The following CLIC4 variants were observed in gnomAD, a reference collection of about 807,000 sequenced individuals.
CLIC4 encodes CLIC family member 4, also known as chloride intracellular channel protein 4.
A neutral mutation model predicts 24.6 loss-of-function variants in CLIC4; 13 were observed. The observed-to-expected ratio is 0.53, with a 90% CI of 0.34 to 0.84. The LOEUF (loss-of-function observed/expected upper bound fraction) is 0.84. Among genes scored for constraint, CLIC4 ranks in the 40% least tolerant of loss-of-function variants. The probability of loss-of-function intolerance (pLI) is 0.01; values close to 1 mark genes in which losing one functional copy is unlikely to be tolerated. For synonymous variants in CLIC4, 104 were observed against 111.3 expected, an observed-to-expected ratio of 0.93 and a Z score of 0.41; for missense variants, 227 against 301.7, an observed-to-expected ratio of 0.75 and a Z score of 1.83.
intron 1 of CLIC4, among the ~76,000 whole-genome samples, chr1:24,783,861 C>T (rs1211882872): frequency 2.0e-5 from 3 of 152,124 alleles, no homozygotes; most frequent in Admixed American, 1.3e-4. Flanking sequence ...GACATGATAG[C>T]GTGAAGGGAA....
chr1:24,800,636 G>T (rs1300803419), intron 2 of CLIC4, among the ~76,000 whole-genome samples: 1 of 152,212 alleles, frequency 6.6e-6, no homozygotes, highest in Non-Finnish European at 1.5e-5. Flanking sequence ...CGGGAAAGGT[G>T]GGGAGAAGAT....
intron 4 of CLIC4, among the ~76,000 whole-genome samples, chr1:24,838,903 A>AGAATCATGACAATCT (rs1266200489): frequency 6.6e-6 from 1 of 152,110 alleles, no homozygotes; most frequent in Non-Finnish European, 1.5e-5. Flanking sequence ...CATGACAATC[A>AGAATCATGACAATCT]GAATCATGAC....
At chr1:24,758,570 C>T (rs1255645028) in intron 1 of CLIC4, among the ~76,000 whole-genome samples, 1 of 152,082 alleles carries the variant, frequency 6.6e-6, no homozygotes, top group Non-Finnish European at 1.5e-5. Context: ...GATTCTCTTG[C>T]CTCAGCCTCC....
chr1:24,773,540 C>T (rs1248800702), intron 1 of CLIC4, among the ~76,000 whole-genome samples: 2 of 147,774 alleles, frequency 1.4e-5, no homozygotes, highest in East Asian at 4.0e-4. Context: ...CTTTGGTTAG[C>T]AGATATTTTT....
intron 2 of CLIC4, among the ~76,000 whole-genome samples, chr1:24,807,788 A>G (rs2124145161): frequency 6.6e-6 from 1 of 152,320 alleles, no homozygotes; most frequent in Non-Finnish European, 1.5e-5. Flanking sequence ...CGTGTTCTTA[A>G]AAAAAACTGT....
At chr1:24,753,590 T>C (rs546715008) in intron 1 of CLIC4, among the ~76,000 whole-genome samples, 1 of 152,316 alleles carries the variant, frequency 6.6e-6, no homozygotes, top group African/African-American at 2.4e-5. Context: ...AATTGGTAGA[T>C]TGATACCTAA....
intron 1 of CLIC4, among the ~76,000 whole-genome samples, chr1:24,788,616 T>G (rs191159437): frequency 1.9e-4 from 29 of 152,336 alleles, no homozygotes; most frequent in Admixed American, 3.3e-4. Context: ...ACAGCATGTA[T>G]CCATACTTCA....
chr1:24,810,016 A>G (rs1639596175), intron 2 of CLIC4, among the ~76,000 whole-genome samples: 1 of 152,262 alleles, frequency 6.6e-6, no homozygotes, highest in Non-Finnish European at 1.5e-5. Context: ...TCAGTTATCA[A>G]GATCTTGCCA....
intron 1 of CLIC4, among the ~76,000 whole-genome samples, chr1:24,762,439 G>T (rs746746762): frequency 9.2e-5 from 14 of 152,078 alleles, no homozygotes; most frequent in Non-Finnish European, 1.6e-4. Flanking sequence ...ACAAGTGTAT[G>T]AGATCATTGT....
chr1:24,806,859 C>G (rs943958115), intron 2 of CLIC4, among the ~76,000 whole-genome samples: 18 of 152,044 alleles, frequency 1.2e-4, no homozygotes, highest in Non-Finnish European at 2.2e-4. Flanking sequence ...AGAGGAAATC[C>G]AGACCCAAAG....
At chr1:24,806,309 T>C (rs1012469813) in intron 2 of CLIC4, among the ~76,000 whole-genome samples, 1 of 152,216 alleles carries the variant, frequency 6.6e-6, no homozygotes, top group Non-Finnish European at 1.5e-5. Context: ...AGTTGAAGAA[T>C]CTTAGATTCT....
At chr1:24,752,974 G>A (rs1042948553) in intron 1 of CLIC4, among the ~76,000 whole-genome samples, 1 of 152,162 alleles carries the variant, frequency 6.6e-6, no homozygotes, top group Non-Finnish European at 1.5e-5. Flanking sequence ...GCCCGCCTTG[G>A]CCTCCCGAAG....
At chr1:24,808,403 A>C (rs993889051) in intron 2 of CLIC4, among the ~76,000 whole-genome samples, 1 of 152,176 alleles carries the variant, frequency 6.6e-6, no homozygotes, top group African/African-American at 2.4e-5. Flanking sequence ...CTAGGTTATA[A>C]TACCTAATAC....
chr1:24,796,809 C>T (rs1639408797), intron 1 of CLIC4, among the ~76,000 whole-genome samples: 1 of 152,132 alleles, frequency 6.6e-6, no homozygotes, highest in Admixed American at 6.5e-5. Context: ...TTCACTTGAA[C>T]TAGCCCCATT....
chr1:24,784,902 G>A (rs1432038865), intron 1 of CLIC4, among the ~76,000 whole-genome samples: 2 of 151,632 alleles, frequency 1.3e-5, no homozygotes, highest in Non-Finnish European at 2.9e-5. Context: ...TACTCAGGAG[G>A]CTGAGGCTGG....
intron 1 of CLIC4, among the ~76,000 whole-genome samples, chr1:24,774,815 A>G (rs1471312549): frequency 6.6e-6 from 1 of 152,204 alleles, no homozygotes. Flanking sequence ...TCATGCCTAT[A>G]ATCACAGCAC....
chr1:24,839,446 C>T (rs1021690044), intron 4 of CLIC4, among the ~76,000 whole-genome samples: 5 of 152,090 alleles, frequency 3.3e-5, no homozygotes, highest in Admixed American at 6.6e-5. Context: ...ACTACAGGCG[C>T]CCGCCACCAC....
chr1:24,799,040 A>C (rs1407552371), intron 2 of CLIC4, among the ~76,000 whole-genome samples: 2 of 152,138 alleles, frequency 1.3e-5, no homozygotes, highest in African/African-American at 4.8e-5. Context: ...CAAAGTGCCG[A>C]GATTGCAGCC....
At chr1:24,762,778 G>GT (rs772597015) in intron 1 of CLIC4, among the ~76,000 whole-genome samples, 1 of 152,106 alleles carries the variant, frequency 6.6e-6, no homozygotes, top group Non-Finnish European at 1.5e-5. Context: ...GAAATAGGAA[G>GT]TAAGAGACTG....
Sources: allele counts gnomAD v4.1 joint callset (sites outside exome capture counted in the v4.1 genomes callset), GRCh38; gene constraint gnomAD v4.1.1; transcripts MANE v1.5; gene names NCBI Gene and HGNC (gene_info 2026-07-23, HGNC 2026-07-21).